PLEK2: variants seen among roughly 807,000 people sequenced by gnomAD.
The protein encoded by PLEK2 is pleckstrin-2.
Under a neutral mutation model 43.8 loss-of-function variants are expected in PLEK2, and 29 were observed. The observed-to-expected ratio is 0.66, with a 90% CI of 0.49 to 0.90. PLEK2 has a LOEUF of 0.90. PLEK2 is among the 40% of genes least tolerant of loss of function. The pLI is 0.00. For synonymous variants in PLEK2, 162 were observed against 173.2 expected, an observed-to-expected ratio of 0.94 and a Z score of 0.51; for missense variants, 398 against 448.1, an observed-to-expected ratio of 0.89 and a Z score of 1.01.
chr14:67,392,091 G>T (rs1220777107), intron 6 of PLEK2, among the ~76,000 whole-genome samples: 1 of 152,320 alleles, frequency 6.6e-6, no homozygotes, highest in African/African-American at 2.4e-5. Context: ...GTGTGTGTGT[G>T]TAGTACATTT....
At chr14:67,391,569 C>T (rs181005521) in intron 6 of PLEK2, among the ~76,000 whole-genome samples, 3 of 152,216 alleles carry the variant, frequency 2.0e-5, no homozygotes, top group South Asian at 2.1e-4. Flanking sequence ...GCACATGCTC[C>T]GAGTAACGAT....
chr14:67,388,439 C>T (rs1169110169), intron 7 of PLEK2, 137 bp from the exon 8 acceptor site: 1 of 669,504 alleles, frequency 1.5e-6, no homozygotes, highest in Admixed American at 2.1e-5. Context: ...ACTTGGACAT[C>T]ACATGGCCAA....
At chr14:67,400,135 CAA>C (rs1289848510) in intron 1 of PLEK2, among the ~76,000 whole-genome samples, 1 of 152,148 alleles carries the variant, frequency 6.6e-6, no homozygotes, top group Non-Finnish European at 1.5e-5. Context: ...TCGTCTGCAC[CAA>C]AGTTATTTGT....
In PLEK2 at chr14:67,393,221, TG is replaced by T; in HGVS notation, c.409del (p.His137ThrfsTer45). ...TGAACGGATTCCGGTGTTGCTATCG[TG>T]CATCTTGTCCACAATGCGACTACAT... is the stretch of plus-strand genomic sequence containing the variant. ...ISLHRIVDKM[H>X]DSNTGIRSSP... On this transcript the variant is annotated frameshift_variant, in exon 4 of 9. Transcript: ENST00000216446. LOFTEE classifies it high-confidence loss of function. 6.2e-7 allele frequency: 1 copy of T among 1,613,772 alleles called. No homozygotes were observed. The highest frequency in any genetic ancestry group is 8.5e-7 in the Non-Finnish European group (1 of 1,179,696).
intron 2 of PLEK2, among the ~76,000 whole-genome samples, chr14:67,396,394 A>G (rs112627128): frequency 6.7e-6 from 1 of 150,360 alleles, no homozygotes; most frequent in African/African-American, 2.5e-5. Flanking sequence ...GTGATCTGCC[A>G]GCCTTGACCT....
chr14:67,388,137 A>G, intron 8 of PLEK2, 87 bp downstream of exon 8: 1 of 846,690 alleles, frequency 1.2e-6, no homozygotes, highest in African/African-American at 1.7e-5. Flanking sequence ...TCGGCTCCCA[A>G]AGCTGTCATT....
intron 1 of PLEK2, among the ~76,000 whole-genome samples, chr14:67,400,698 A>G (rs954765758): frequency 2.0e-4 from 31 of 151,910 alleles, no homozygotes; most frequent in African/African-American, 7.5e-4. Context: ...AGGGCAAAAG[A>G]ATCTTAGGGC....
At chr14:67,411,483 G>C (rs1030895298) in intron 1 of PLEK2, among the ~76,000 whole-genome samples, 4 of 152,142 alleles carry the variant, frequency 2.6e-5, no homozygotes, top group African/African-American at 9.6e-5. Flanking sequence ...GTCTGATCCC[G>C]ATCCTGGCTC....
rs1297620426 is a variant in PLEK2, at chr14:67,387,076, T to C, written c.*253A>G. 1 of 314,120 alleles carries C rather than the reference T, an allele frequency of 3.2e-6. No homozygotes were observed. Among genetic ancestry groups the C allele is most frequent in the Non-Finnish European group, 5.8e-6 (1 of 172,508 alleles). The allele number at this position is 314,120 out of a possible 1,614,324, so 19.5% of individuals were successfully genotyped here. On this transcript the variant is annotated 3_prime_UTR_variant, in exon 9 of 9. Transcript: ENST00000216446. ...ACTTTGGTGCCCGAGGAAATGGCTGTTTGTGATGCTGGGGAAAAGTCAAGA... is the reference window on the plus strand; with the variant it reads ...ACTTTGGTGCCCGAGGAAATGGCTGCTTGTGATGCTGGGGAAAAGTCAAGA...
chr14:67,388,923 C>A (rs1050041199), intron 7 of PLEK2, among the ~76,000 whole-genome samples: 1 of 152,058 alleles, frequency 6.6e-6, no homozygotes, highest in Non-Finnish European at 1.5e-5. Flanking sequence ...AAGTGATCTG[C>A]CCTCCTCAGC....
intron 1 of PLEK2, among the ~76,000 whole-genome samples, chr14:67,405,671 T>G (rs1286634748): frequency 6.6e-6 from 1 of 152,224 alleles, no homozygotes; most frequent in African/African-American, 2.4e-5. Flanking sequence ...AGGCTTCTTA[T>G]TGGCATTCTC....
At chr14:67,394,979 G>A (rs1469689867) in intron 3 of PLEK2, among the ~76,000 whole-genome samples, 1 of 152,142 alleles carries the variant, frequency 6.6e-6, no homozygotes, top group African/African-American at 2.4e-5. Context: ...ACCAGATGCA[G>A]CCCCTCAACC....
chr14:67,392,574 C>T (rs1443539275), intron 5 of PLEK2, 88 bp downstream of exon 5: 8 of 1,323,226 alleles, frequency 6.0e-6, no homozygotes, highest in Non-Finnish European at 8.6e-6. Context: ...AAGGTCTCCT[C>T]CCATGACTGT....
At chr14:67,390,550 C>T (rs988088569) in intron 7 of PLEK2, 113 bp downstream of exon 7, 60 of 746,642 alleles carry the variant, frequency 8.0e-5, no homozygotes, top group South Asian at 3.0e-5. Flanking sequence ...GCAGACTTTA[C>T]GGCGGGTGCC....
intron 1 of PLEK2, among the ~76,000 whole-genome samples, chr14:67,408,332 AAT>A (rs1249308135): frequency 6.8e-6 from 1 of 146,292 alleles, no homozygotes; most frequent in African/African-American, 2.5e-5. Flanking sequence ...AATAAAATAA[AAT>A]AAAATAAAAT....
intron 2 of PLEK2, among the ~76,000 whole-genome samples, chr14:67,396,407 C>A (rs182226431): frequency 6.6e-6 from 1 of 151,552 alleles, no homozygotes; most frequent in African/African-American, 2.4e-5. Flanking sequence ...CTTGACCTTC[C>A]AAAGTGCTGA....
Position 67,387,256 on chromosome 14 carries a change from ACT to A in PLEK2, c.*71_*72del. ...TTACAAAGAAGTCAAAAGTCTTAACACTCCCATTCTCCAGGAACTCTTGTCTG... is the reference window on the plus strand; with the variant it reads ...TTACAAAGAAGTCAAAAGTCTTAACACCCATTCTCCAGGAACTCTTGTCTG... On this transcript the variant is annotated 3_prime_UTR_variant, in exon 9 of 9. Coordinates refer to ENST00000216446, the MANE Select transcript of PLEK2 (RefSeq NM_016445.3). 9.6e-6 allele frequency: 14 copies of A among 1,452,536 alleles called. No individual in the cohort carries two copies. Among genetic ancestry groups the A allele is most frequent in the Non-Finnish European group, 8.4e-6 (9 of 1,068,356 alleles). 90.0% of individuals were successfully genotyped at this position (1,452,536 alleles called of 1,614,324 possible). A position where few individuals can be genotyped will look rare whatever the true frequency, so the allele number is the denominator to read the frequency against.
In PLEK2 at chr14:67,399,309, A is replaced by G. The variant is rs112435894; in HGVS notation, c.43-1483T>C. Among the ~76,000 whole-genome samples, 3 of 146,782 alleles carry G rather than the reference A, an allele frequency of 2.0e-5. No homozygotes were observed. In the East Asian group the frequency reaches 6.1e-4, roughly 30 times the overall value. ...AGGTGGCAGGAATAAAGAGAAGGGT[A>G]GTTTAGGTGGCTGTCAGGTGGCAGG... On this transcript the variant is annotated intron_variant, in intron 1 of 8. Transcript: ENST00000216446.
chr14:67,397,028 T>C (rs2086015874), intron 2 of PLEK2, among the ~76,000 whole-genome samples: 1 of 151,418 alleles, frequency 6.6e-6, no homozygotes, highest in Non-Finnish European at 1.5e-5. Flanking sequence ...AAACTCTGCC[T>C]CCCAGGGTCA....
Sources: gnomAD v4.1 joint callset for allele counts (sites outside exome capture counted in the v4.1 genomes callset) on GRCh38, gnomAD v4.1.1 for gene constraint, MANE v1.5 for transcripts, NCBI Gene and HGNC (gene_info 2026-07-23, HGNC 2026-07-21) for gene names.